Variants in BRSK2 observed in about 807,000 individuals in gnomAD.
BRSK2 encodes the protein BR serine/threonine kinase 2, also known as serine/threonine-protein kinase BRSK2.
Under a neutral mutation model 83.3 loss-of-function variants are expected in BRSK2, and 19 were observed. That is an observed-to-expected ratio of 0.23 (90% CI 0.16 to 0.33). The LOEUF (loss-of-function observed/expected upper bound fraction) is 0.33. Among genes scored for constraint, BRSK2 ranks in the 10% least tolerant of loss-of-function variants. The pLI is 1.00. For missense variants in BRSK2, 798 were observed against 1,042.3 expected (o/e 0.77, Z 3.23); for synonymous variants, 519 against 435.4 (o/e 1.19, Z -2.39).
intron 1 of BRSK2, among the ~76,000 whole-genome samples, chr11:1,396,783 C>T (rs971526817): frequency 3.3e-5 from 5 of 152,302 alleles, no homozygotes; most frequent in East Asian, 1.9e-4. Flanking sequence ...CCGTGACTGC[C>T]GGCCGCCGGC....
At chr11:1,426,331 G>A (rs771091818) in intron 1 of BRSK2, among the ~76,000 whole-genome samples, 6 of 152,120 alleles carry the variant, frequency 3.9e-5, no homozygotes, top group Non-Finnish European at 7.4e-5. Context: ...TGTGTGGGGC[G>A]TGCTCTGCTG....
chr11:1,438,119 C>T lies in BRSK2; in HGVS notation c.187-187C>T, dbSNP rs1314382958. On this transcript the variant is annotated intron_variant, in intron 2 of 19. Transcript: ENST00000528841. The surrounding 1 kb of genome is among the most constrained non-coding windows in gnomAD (Gnocchi z 6.4). ...CCACAGCTGGCACCAAAGGCCCCTG[C>T]GTCCCCCACAGCTGGCACCAAAGGC... is the stretch of plus-strand genomic sequence containing the variant. Among the ~76,000 whole-genome samples the T allele has an allele frequency of 1.4e-5, 2 of 139,312 alleles. No homozygotes were observed. The highest frequency in any genetic ancestry group is 2.2e-4 in the East Asian group (1 of 4,608). The allele number at this position is 139,312 out of a possible 152,430, so 91.4% of individuals were successfully genotyped here. A position where few individuals can be genotyped will look rare whatever the true frequency, so the allele number is the denominator to read the frequency against.
intron 2 of BRSK2, among the ~76,000 whole-genome samples, chr11:1,437,686 G>C (rs1389554252): frequency 6.6e-6 from 1 of 152,226 alleles, no homozygotes; most frequent in Non-Finnish European, 1.5e-5. Flanking sequence ...GGGGCCCACA[G>C]AGGCCTGTCC....
chr11:1,437,966 GGCCCCT>G (rs1164941721), intron 2 of BRSK2, among the ~76,000 whole-genome samples: 1 of 152,278 alleles, frequency 6.6e-6, no homozygotes, highest in African/African-American at 2.4e-5. Flanking sequence ...CCTCCACTGA[GGCCCCT>G]GCCCTCTGCC....
chr11:1,445,501 T>C (rs1851909392), intron 10 of BRSK2, 43 bp downstream of exon 10: 1 of 1,607,386 alleles, frequency 6.2e-7, no homozygotes, highest in African/African-American at 1.3e-5. Context: ...GGGCCTGAGG[T>C]GGGAGCGCTG....
intron 1 of BRSK2, chr11:1,410,986 G>A (rs1847423614): frequency 3.1e-6 from 3 of 980,784 alleles, no homozygotes; most frequent in Non-Finnish European, 3.6e-6. Context: ...GCTGAGGGGG[G>A]CAGGAGCAGG....
intron 1 of BRSK2, among the ~76,000 whole-genome samples, chr11:1,393,563 G>T (rs916749302): frequency 4.6e-5 from 7 of 152,196 alleles, no homozygotes; most frequent in African/African-American, 1.7e-4. Context: ...GCTGTGGCGT[G>T]GGGGAGGGAC....
chr11:1,414,055 C>T (rs1847842214), intron 1 of BRSK2, among the ~76,000 whole-genome samples: 1 of 152,238 alleles, frequency 6.6e-6, no homozygotes, highest in South Asian at 2.1e-4. Context: ...TCCATCTGTG[C>T]TTAGTTTAAA....
rs565470671 is a variant in BRSK2 at position 1,411,058 on chromosome 11, A to C, written c.91+20683A>C. On this transcript the variant is annotated intron_variant, in intron 1 of 19. Transcript: ENST00000528841. ...CCCATCACCATGGCAACAGATGGAGATTTGGCAGGAAGGAGGAGGGGGCGG... is the reference window on the plus strand; with the variant it reads ...CCCATCACCATGGCAACAGATGGAGCTTTGGCAGGAAGGAGGAGGGGGCGG... The C allele has an allele frequency of 2.7e-5, 30 of 1,097,782 alleles. No individual in the cohort carries two copies. The South Asian group carries it at 1.0e-3, about 38-fold the overall frequency. The allele number at this position is 1,097,782 out of a possible 1,614,324, so 68.0% of individuals were successfully genotyped here.
chr11:1,393,561 G>A (rs530996872), intron 1 of BRSK2, among the ~76,000 whole-genome samples: 111 of 152,314 alleles, frequency 7.3e-4, no homozygotes, highest in Middle Eastern at 3.4e-3. Flanking sequence ...CTGCTGTGGC[G>A]TGGGGGAGGG....
intron 1 of BRSK2, among the ~76,000 whole-genome samples, chr11:1,434,812 A>C (rs908163658): frequency 6.6e-6 from 1 of 152,154 alleles, no homozygotes; most frequent in Non-Finnish European, 1.5e-5. Context: ...CCAACATGGA[A>C]TGGCACATGA....
intron 18 of BRSK2, chr11:1,456,891 T>G (rs1846635133): frequency 7.1e-6 from 11 of 1,552,930 alleles, no homozygotes; most frequent in Non-Finnish European, 9.6e-6. Context: ...CCGCCTCGCC[T>G]CTGCACGCCA....
intron 1 of BRSK2, among the ~76,000 whole-genome samples, chr11:1,429,074 GGTGT>G (rs1187777510): frequency 4.7e-5 from 7 of 148,438 alleles, no homozygotes; most frequent in Admixed American, 4.0e-4. Context: ...TGTGTGCATG[GGTGT>G]GTGTCCTGGG....
chr11:1,413,111 C>T (rs1847724331), intron 1 of BRSK2, among the ~76,000 whole-genome samples: 1 of 152,128 alleles, frequency 6.6e-6, no homozygotes, highest in South Asian at 2.1e-4. Context: ...GTGGGTCTCT[C>T]CCCATCTCAT....
At position 1,460,731 on chromosome 11, in the gene BRSK2, AGC is replaced by A; in HGVS notation, c.*9_*10del. The A allele has an allele frequency of 3.0e-6, 4 of 1,337,590 alleles. No homozygotes were observed. Among genetic ancestry groups the A allele is most frequent in the Non-Finnish European group, 3.8e-6 (4 of 1,040,246 alleles). The allele number at this position is 1,337,590 out of a possible 1,614,324, so 82.9% of individuals were successfully genotyped here. A position where few individuals can be genotyped will look rare whatever the true frequency, so the allele number is the denominator to read the frequency against. ...CGCCGCGAGCAGCCTTAGACACACT[AGC>A]CCCCCCCCCCAGCACAGCACTGACA... On this transcript the variant is annotated 3_prime_UTR_variant, in exon 20 of 20. Coordinates refer to ENST00000528841, the MANE Select transcript of BRSK2 (RefSeq NM_001256627.2).
Position 1,456,728 on chromosome 11 carries a change from T to G in BRSK2, c.1939+41T>G. 3 of 1,550,458 alleles carry G rather than the reference T, an allele frequency of 1.9e-6. No homozygotes were observed. The East Asian group carries it at 7.1e-5, about 37-fold the overall frequency. ...CTCCGGCCAACCTGCGGCCTGCGAG[T>G]GGGGCGTGGCCAGCTGGTGCTGCGC... On this transcript the variant is annotated intron_variant, in intron 18 of 19. Coordinates refer to ENST00000528841, the MANE Select transcript of BRSK2 (RefSeq NM_001256627.2).
At chr11:1,401,946 C>T (rs4963076) in intron 1 of BRSK2, among the ~76,000 whole-genome samples, 68,798 of 152,098 alleles carry the variant, frequency 0.45, 16,399 homozygotes, top group Middle Eastern at 0.54. Context: ...TCTCTGGTTC[C>T]GTGCTGAGGA....
chr11:1,419,404 GGTCTCTCTAT>G (rs1352426906), intron 1 of BRSK2, among the ~76,000 whole-genome samples: 1 of 152,192 alleles, frequency 6.6e-6, no homozygotes, highest in African/African-American at 2.4e-5. Flanking sequence ...TCAGGTCGGT[GGTCTCTCTAT>G]GTCTTTCTGT....
At chr11:1,396,246 CACTCCT>C (rs1846096149) in intron 1 of BRSK2, among the ~76,000 whole-genome samples, 6 of 129,390 alleles carry the variant, frequency 4.6e-5, no homozygotes, top group South Asian at 2.4e-4. Context: ...CCACGTCCCC[CACTCCT>C]GGTCCCTCTT....
Sources: allele counts gnomAD v4.1 joint callset (sites outside exome capture counted in the v4.1 genomes callset), GRCh38; gene constraint gnomAD v4.1.1; non-coding constraint Gnocchi (gnomAD v3.1); transcripts MANE v1.5; gene names NCBI Gene and HGNC (gene_info 2026-07-23, HGNC 2026-07-21).